The following CNTN5 variants were observed in gnomAD, a reference collection of about 807,000 sequenced individuals.
The protein encoded by CNTN5 is contactin-5.
A neutral mutation model predicts 129.1 loss-of-function variants in CNTN5; 77 were observed. That is an observed-to-expected ratio of 0.60 (90% CI 0.50 to 0.72). The LOEUF (loss-of-function observed/expected upper bound fraction) is 0.72. Among genes scored for constraint, CNTN5 ranks in the 30% least tolerant of loss-of-function variants. The probability of loss-of-function intolerance (pLI) is 0.00; values close to 1 mark genes in which losing one functional copy is unlikely to be tolerated. For synonymous variants in CNTN5, 509 were observed against 465.6 expected, an observed-to-expected ratio of 1.09 and a Z score of -1.20; for missense variants, 1,478 against 1,328.8, an observed-to-expected ratio of 1.11 and a Z score of -1.75.
At chr11:99,985,361 C>T (rs142839915) in intron 8 of CNTN5, among the ~76,000 whole-genome samples, 4 of 152,170 alleles carry the variant, frequency 2.6e-5, no homozygotes, top group African/African-American at 9.6e-5. Flanking sequence ...CCACAAAGTC[C>T]AGCTGGATCT....
chr11:99,740,168 C>T (rs1943844048), intron 3 of CNTN5, among the ~76,000 whole-genome samples: 1 of 151,898 alleles, frequency 6.6e-6, no homozygotes, highest in African/African-American at 2.4e-5. Context: ...AATAGTTTTG[C>T]TTTATTTTTT....
intron 2 of CNTN5, among the ~76,000 whole-genome samples, chr11:99,342,750 A>C (rs1379629480): frequency 2.6e-5 from 4 of 151,908 alleles, no homozygotes; most frequent in African/African-American, 9.7e-5. Context: ...AGAAAGAAAG[A>C]AAGAAAGCAG....
intron 1 of CNTN5, among the ~76,000 whole-genome samples, chr11:99,305,637 T>G (rs532243641): frequency 6.6e-6 from 1 of 152,320 alleles, no homozygotes; most frequent in African/African-American, 2.4e-5. Flanking sequence ...ATTGCCATTT[T>G]AGCATTTATA....
At chr11:99,546,407 G>T (rs1468869026) in intron 2 of CNTN5, among the ~76,000 whole-genome samples, 4 of 152,054 alleles carry the variant, frequency 2.6e-5, no homozygotes, top group Non-Finnish European at 5.9e-5. Flanking sequence ...ATCCCATTCA[G>T]AACCCCAAGC....
intron 1 of CNTN5, among the ~76,000 whole-genome samples, chr11:99,230,584 T>G (rs1431626106): frequency 6.6e-6 from 1 of 152,148 alleles, no homozygotes; most frequent in African/African-American, 2.4e-5. Context: ...TTAAAGCAGA[T>G]GAATAATTAT....
intron 3 of CNTN5, among the ~76,000 whole-genome samples, chr11:99,792,010 G>C (rs1457429174): frequency 6.6e-6 from 1 of 152,078 alleles, no homozygotes; most frequent in African/African-American, 2.4e-5. Flanking sequence ...GGGGTCTTTA[G>C]GGCTTTATAG....
At chr11:99,490,431 A>G (rs890161854) in intron 2 of CNTN5, among the ~76,000 whole-genome samples, 1 of 152,250 alleles carries the variant, frequency 6.6e-6, no homozygotes, top group Admixed American at 6.5e-5. Context: ...ATAATTATTT[A>G]GTGGAGAATA....
intron 1 of CNTN5, among the ~76,000 whole-genome samples, chr11:99,161,070 C>T (rs1860589234): frequency 1.3e-5 from 2 of 151,988 alleles, no homozygotes; most frequent in Non-Finnish European, 2.9e-5. Flanking sequence ...ACGGAGGGAA[C>T]ACCATTAGAG....
intron 3 of CNTN5, among the ~76,000 whole-genome samples, chr11:99,732,505 G>A (rs191028575): frequency 1.2e-3 from 189 of 152,248 alleles, no homozygotes; most frequent in African/African-American, 4.4e-3. Context: ...AACAAAGACA[G>A]TGATCATCGT....
chr11:99,233,228 A>G (rs1337535325), intron 1 of CNTN5, among the ~76,000 whole-genome samples: 2 of 152,226 alleles, frequency 1.3e-5, no homozygotes, highest in Non-Finnish European at 2.9e-5. Context: ...CCAGATAAAT[A>G]TGCCATTCAC....
At chr11:99,617,863 A>AATTTATTACC (rs781499659) in intron 3 of CNTN5, among the ~76,000 whole-genome samples, 5 of 152,178 alleles carry the variant, frequency 3.3e-5, no homozygotes, top group Non-Finnish European at 7.4e-5. Context: ...TTTATCACAG[A>AATTTATTACC]ATTTATTACC....
chr11:99,918,677 A>G (rs551769611), intron 7 of CNTN5, among the ~76,000 whole-genome samples: 2 of 152,330 alleles, frequency 1.3e-5, no homozygotes, highest in East Asian at 1.9e-4. Flanking sequence ...TATATGGTAC[A>G]GTATAGCATA....
intron 2 of CNTN5, among the ~76,000 whole-genome samples, chr11:99,444,534 T>C (rs1433868338): frequency 1.3e-5 from 2 of 152,206 alleles, no homozygotes; most frequent in African/African-American, 4.8e-5. Context: ...TCTTCAATGA[T>C]TATCTATCCT....
chr11:99,395,173 T>C (rs1356961242), intron 2 of CNTN5, among the ~76,000 whole-genome samples: 1 of 151,916 alleles, frequency 6.6e-6, no homozygotes, highest in Non-Finnish European at 1.5e-5. Flanking sequence ...GTATAAGCAT[T>C]CCTTTTTCTC....
intron 3 of CNTN5, among the ~76,000 whole-genome samples, chr11:99,623,932 T>C (rs2135775239): frequency 6.6e-6 from 1 of 152,264 alleles, no homozygotes; most frequent in East Asian, 1.9e-4. Context: ...TTAATGAAGA[T>C]GTTACAGAAA....
At chr11:99,744,543 TAAAAAAA>T (rs553540845) in intron 3 of CNTN5, among the ~76,000 whole-genome samples, 30 of 37,492 alleles carry the variant, frequency 8.0e-4, no homozygotes, top group Admixed American at 4.1e-3. Context: ...TACAAAAAGT[TAAAAAAA>T]AAAAAAAAAA....
intron 1 of CNTN5, among the ~76,000 whole-genome samples, chr11:99,239,936 CA>C (rs386374626): frequency 0.19 from 19,672 of 104,460 alleles, 1,067 homozygotes; most frequent in South Asian, 0.3. Context: ...GACTCCGTCT[CA>C]AAAAAAAAAA....
At chr11:100,152,552 A>C (rs547733367) in intron 13 of CNTN5, among the ~76,000 whole-genome samples, 1 of 152,266 alleles carries the variant, frequency 6.6e-6, no homozygotes, top group South Asian at 2.1e-4. Flanking sequence ...GAAGGTCCCT[A>C]GTTGATGAAC....
intron 18 of CNTN5, among the ~76,000 whole-genome samples, chr11:100,282,814 C>G (rs185475191): frequency 6.6e-6 from 1 of 152,348 alleles, no homozygotes; most frequent in Admixed American, 6.5e-5. Flanking sequence ...CAGTCCTTCC[C>G]ATTCTTCCCT....
Sources: allele counts gnomAD v4.1 joint callset (sites outside exome capture counted in the v4.1 genomes callset), GRCh38; gene constraint gnomAD v4.1.1; transcripts MANE v1.5; gene names NCBI Gene and HGNC (gene_info 2026-07-23, HGNC 2026-07-21).